LRRD1: variants seen among roughly 807,000 people sequenced by gnomAD.
The protein encoded by LRRD1 is leucine rich repeats and death domain containing 1.
LRRD1 carries 49 observed loss-of-function variants against 69.5 expected under a neutral mutation model. The ratio of observed to expected loss-of-function variants is 0.70; its 90% CI spans 0.56 to 0.89. LRRD1 has a LOEUF of 0.89. Ranked by LOEUF, LRRD1 falls within the 40% of genes least tolerant of loss-of-function variation. The pLI is 0.00. For missense variants in LRRD1, 853 were observed against 956.0 expected, an observed-to-expected ratio of 0.89 and a Z score of 1.42; for synonymous variants, 303 against 338.9, an observed-to-expected ratio of 0.89 and a Z score of 1.16.
chr7:92,144,754 TGTC>T (rs1232369809), downstream of LRRD1: 22 of 477,886 alleles, frequency 4.6e-5, no homozygotes, highest in African/African-American at 9.7e-5. Context: ...AGTTATAAGT[TGTC>T]ATCATCTCTT....
At chr7:92,154,579 A>G (rs1235683723) in intron 3 of LRRD1, among the ~76,000 whole-genome samples, 1 of 151,812 alleles carries the variant, frequency 6.6e-6, no homozygotes, top group Non-Finnish European at 1.5e-5. Context: ...TTTTTGCAAA[A>G]CAATATTTTT....
intron 1 of LRRD1, among the ~76,000 whole-genome samples, chr7:92,166,428 C>T (rs1027689173): frequency 2.4e-4 from 37 of 152,196 alleles, no homozygotes; most frequent in African/African-American, 8.9e-4. Context: ...CATTTTCCAA[C>T]TTGTTTTATG....
At chr7:92,178,113 ACCAT>A (rs1479187895) in intron 1 of LRRD1, among the ~76,000 whole-genome samples, 3 of 152,212 alleles carry the variant, frequency 2.0e-5, no homozygotes, top group African/African-American at 7.2e-5. Context: ...GGAGATCGAG[ACCAT>A]CCTGGCTAAC....
intron 2 of LRRD1, among the ~76,000 whole-genome samples, chr7:92,162,346 G>A (rs962370746): frequency 6.6e-6 from 1 of 152,130 alleles, no homozygotes; most frequent in African/African-American, 2.4e-5. Flanking sequence ...AAAGCTATTT[G>A]ATCACAGACA....
intron 5 of LRRD1, among the ~76,000 whole-genome samples, chr7:92,145,574 G>C (rs1820302734): frequency 6.6e-6 from 1 of 151,754 alleles, no homozygotes; most frequent in Admixed American, 6.6e-5. Flanking sequence ...CGAGTAGCTG[G>C]GACTACAGGT....
At chr7:92,177,564 T>C (rs1022359378) in intron 1 of LRRD1, among the ~76,000 whole-genome samples, 3 of 145,540 alleles carry the variant, frequency 2.1e-5, no homozygotes, top group Admixed American at 2.0e-4. Context: ...AGATGACTCA[T>C]GAGCTCAGCT....
intron 4 of LRRD1, among the ~76,000 whole-genome samples, chr7:92,146,484 G>T (rs1177151559): frequency 6.6e-6 from 1 of 151,944 alleles, no homozygotes. Flanking sequence ...AGGCATGGTT[G>T]TGTGTTCCTG....
downstream of LRRD1, among the ~76,000 whole-genome samples, chr7:92,144,103 C>T (rs1383883984): frequency 9.2e-5 from 14 of 152,204 alleles, no homozygotes; most frequent in Admixed American, 9.2e-4. Flanking sequence ...TCTATCAATC[C>T]TGTCTGGACA....
At chr7:92,152,214 TACAC>T (rs1286220969) in intron 3 of LRRD1, among the ~76,000 whole-genome samples, 1 of 151,128 alleles carries the variant, frequency 6.6e-6, no homozygotes, top group African/African-American at 2.4e-5. Context: ...TATGTATATA[TACAC>T]ACACATACAT....
intron 1 of LRRD1, among the ~76,000 whole-genome samples, chr7:92,177,845 G>A (rs941259371): frequency 2.0e-5 from 3 of 152,126 alleles, no homozygotes; most frequent in African/African-American, 7.2e-5. Context: ...ACTTGGGAGG[G>A]GAAGAAAGGG....
chr7:92,147,377 G>T (rs1460194863), intron 4 of LRRD1, among the ~76,000 whole-genome samples: 1 of 152,096 alleles, frequency 6.6e-6, no homozygotes. Flanking sequence ...CTATTTATAA[G>T]CAACTTTAAA....
rs1224790109 is a variant in LRRD1, at chr7:92,164,360, G to A, written c.843C>T (p.Thr281=). The change falls in exon 2 of 6, where the codon ACC becomes ACT. Residue 281 remains threonine (T), a synonymous_variant. Coordinates refer to ENST00000458448, the MANE Select transcript of LRRD1 (RefSeq NM_001161528.2). ...HIPDTLPSLK[T]LRVLNLEYNQ... ...TATATTCCAAATTGAGAACCCTCAA[G>A]GTTTTTAAACTAGGCAGAGTATCTG... The A allele has an allele frequency of 1.3e-6, 2 of 1,549,568 alleles. No individual in the cohort carries two copies. Among genetic ancestry groups the A allele is most frequent in the Non-Finnish European group, 1.7e-6 (2 of 1,146,314 alleles).
intron 1 of LRRD1, among the ~76,000 whole-genome samples, chr7:92,177,278 A>G (rs1266505320): frequency 6.6e-6 from 1 of 151,928 alleles, no homozygotes. Flanking sequence ...TTATACTACC[A>G]TCATAGAATG....
At position 92,150,652 on chromosome 7, in the gene LRRD1, A is replaced by G; in HGVS notation, c.2160T>C (p.Phe720=). 1 of 1,550,326 alleles carries G rather than the reference A, an allele frequency of 6.5e-7. No individual in the cohort carries two copies. Among genetic ancestry groups the G allele is most frequent in the East Asian group, 2.4e-5 (1 of 40,898 alleles). ...TALPSAIYNI[F]SLKEINFDDN... ...CATCAAAATTTATCTCCTTCAGTGAAAAAATATTGTAGATAGCACTAGGTA... is the reference window on the plus strand; with the variant it reads ...CATCAAAATTTATCTCCTTCAGTGAGAAAATATTGTAGATAGCACTAGGTA... The change falls in exon 4 of 6, where the codon TTT becomes TTC. Residue 720 remains phenylalanine, a synonymous_variant. Transcript: ENST00000458448.
chr7:92,145,445 T>C (rs1303552158), intron 5 of LRRD1, among the ~76,000 whole-genome samples: 1 of 149,898 alleles, frequency 6.7e-6, no homozygotes, highest in African/African-American at 2.5e-5. Flanking sequence ...TATGCTTTTT[T>C]TTTTTTTTTT....
At chr7:92,144,829 AAC>A (rs1463969175), downstream of LRRD1, 4 of 1,045,294 alleles carry the variant, frequency 3.8e-6, no homozygotes, top group African/African-American at 4.8e-5. Flanking sequence ...ATGGTTCACA[AAC>A]ACAGTTTCAA....
At chr7:92,160,984 G>C (rs1429960820) in intron 2 of LRRD1, among the ~76,000 whole-genome samples, 1 of 152,192 alleles carries the variant, frequency 6.6e-6, no homozygotes, top group Non-Finnish European at 1.5e-5. Context: ...CCAGGCTATG[G>C]CAAGACTTGA....
chr7:92,147,818 A>G (rs902929355), intron 4 of LRRD1, among the ~76,000 whole-genome samples: 2 of 151,792 alleles, frequency 1.3e-5, no homozygotes. Flanking sequence ...CACAGCCTCG[A>G]CCTCCCAGGC....
At chr7:92,162,726 T>C (rs1408522704) in intron 2 of LRRD1, among the ~76,000 whole-genome samples, 1 of 152,162 alleles carries the variant, frequency 6.6e-6, no homozygotes, top group Non-Finnish European at 1.5e-5. Context: ...GAGGTTTAGA[T>C]CTATAAATCA....
Sources: gnomAD v4.1 joint callset for allele counts (sites outside exome capture counted in the v4.1 genomes callset) on GRCh38, gnomAD v4.1.1 for gene constraint, MANE v1.5 for transcripts, NCBI Gene and HGNC (gene_info 2026-07-23, HGNC 2026-07-21) for gene names.